EFCAB6: variants seen among roughly 807,000 people sequenced by gnomAD.
EFCAB6 encodes EF-hand calcium binding domain 6, also known as EF-hand calcium-binding domain-containing protein 6.
A neutral mutation model predicts 169.8 loss-of-function variants in EFCAB6; 156 were observed. The observed-to-expected ratio is 0.92, with a 90% CI of 0.81 to 1.05. EFCAB6 has a LOEUF of 1.05. Ranked by LOEUF, EFCAB6 falls within the 50% of genes least tolerant of loss-of-function variation. The pLI is 0.00. For synonymous variants in EFCAB6, 698 were observed against 676.4 expected, an observed-to-expected ratio of 1.03 and a Z score of -0.50; for missense variants, 1,800 against 1,829.1, an observed-to-expected ratio of 0.98 and a Z score of 0.29.
intron 17 of EFCAB6, among the ~76,000 whole-genome samples, chr22:43,660,092 A>G (rs13054872): frequency 0.29 from 43,459 of 152,100 alleles, 7,143 homozygotes; most frequent in East Asian, 0.64. Flanking sequence ...ACAATGTCCA[A>G]TGTGTTCACA....
intron 27 of EFCAB6, among the ~76,000 whole-genome samples, chr22:43,544,812 C>T (rs2047950297): frequency 6.6e-6 from 1 of 152,038 alleles, no homozygotes. Flanking sequence ...AAATAGTCTC[C>T]AGATAAATCA....
intron 20 of EFCAB6, among the ~76,000 whole-genome samples, chr22:43,622,213 T>A (rs1315747415): frequency 1.3e-5 from 2 of 152,222 alleles, no homozygotes; most frequent in East Asian, 3.8e-4. Context: ...GGGCTGGTAT[T>A]CATGACTTTT....
chr22:43,613,342 G>C (rs938513722), intron 21 of EFCAB6, among the ~76,000 whole-genome samples: 10 of 151,848 alleles, frequency 6.6e-5, no homozygotes, highest in Non-Finnish European at 1.3e-4. Flanking sequence ...TCATGATAGT[G>C]AAGACATGGA....
At chr22:43,625,214 CA>C (rs2054415980) in intron 20 of EFCAB6, among the ~76,000 whole-genome samples, 1 of 152,018 alleles carries the variant, frequency 6.6e-6, no homozygotes, top group Admixed American at 6.6e-5. Context: ...CTGTGGCTTC[CA>C]GGGGCTCCAC....
chr22:43,800,907 T>C (rs1264125156), intron 2 of EFCAB6, among the ~76,000 whole-genome samples: 1 of 152,012 alleles, frequency 6.6e-6, no homozygotes, highest in African/African-American at 2.4e-5. Flanking sequence ...GAGCAAGGGG[T>C]ACAAAGCTTA....
intron 6 of EFCAB6, among the ~76,000 whole-genome samples, chr22:43,753,416 A>G (rs977964614): frequency 6.6e-6 from 1 of 152,164 alleles, no homozygotes; most frequent in African/African-American, 2.4e-5. Flanking sequence ...GACCAGGTGG[A>G]TCCCGAAGAG....
chr22:43,632,270 T>C (rs747204511), intron 18 of EFCAB6, 32 bp from the exon 19 acceptor site: 1 of 1,589,952 alleles, frequency 6.3e-7, no homozygotes, highest in Non-Finnish European at 8.6e-7. Context: ...GGGTTTCCAT[T>C]AGTGCCCATC....
chr22:43,618,168 A>AGG (rs59199699), intron 20 of EFCAB6, among the ~76,000 whole-genome samples: 4,220 of 83,210 alleles, frequency 0.051, 156 homozygotes, highest in African/African-American at 0.086. Flanking sequence ...GAAGGAAGGA[A>AGG]AGAAAGAAAG....
At chr22:43,760,913 T>C (rs2061143057) in intron 5 of EFCAB6, among the ~76,000 whole-genome samples, 1 of 152,244 alleles carries the variant, frequency 6.6e-6, no homozygotes, top group African/African-American at 2.4e-5. Flanking sequence ...TCCACCCGCC[T>C]TGGCCTCCCA....
intron 19 of EFCAB6, among the ~76,000 whole-genome samples, chr22:43,631,801 C>A (rs189552711): frequency 6.6e-6 from 1 of 151,968 alleles, no homozygotes; most frequent in Non-Finnish European, 1.5e-5. Flanking sequence ...AATGGATGAA[C>A]GCGTTTCAAA....
intron 8 of EFCAB6, 90 bp downstream of exon 8, chr22:43,731,609 A>G (rs2059951614): frequency 1.5e-6 from 1 of 683,924 alleles, no homozygotes; most frequent in Admixed American, 3.8e-5. Context: ...CCTATATTTG[A>G]AAGTATTTCC....
In EFCAB6 at chr22:43,784,545, A is replaced by G. The variant is rs868108434; in HGVS notation, c.-7-2220T>C. On this transcript the variant is annotated intron_variant, in intron 2 of 31. Transcript: ENST00000262726. ...TGTGTGTGTGTGTGTGTGTGTGTGT[A>G]TATGTATATATACACATATATATGT... Among the ~76,000 whole-genome samples, 605 of 82,774 alleles carry G rather than the reference A, an allele frequency of 7.3e-3. 16 individuals are homozygous for G. The highest frequency in any genetic ancestry group is 9.8e-3 in the East Asian group (18 of 1,840). The allele number at this position is 82,774 out of a possible 152,430, so 54.3% of individuals were successfully genotyped here. A position where few individuals can be genotyped will look rare whatever the true frequency, so the allele number is the denominator to read the frequency against.
intron 22 of EFCAB6, among the ~76,000 whole-genome samples, chr22:43,601,920 C>T (rs1409719120): frequency 6.6e-6 from 1 of 152,246 alleles, no homozygotes; most frequent in Non-Finnish European, 1.5e-5. Context: ...ATGTGTCTGC[C>T]ACCCACCTGC....
chr22:43,754,236 C>T (rs1021592401), intron 6 of EFCAB6, among the ~76,000 whole-genome samples: 8 of 152,200 alleles, frequency 5.3e-5, no homozygotes, highest in African/African-American at 1.2e-4. Flanking sequence ...ATTTTTAAGC[C>T]ACACAGCAGC....
At chr22:43,713,110 G>T (rs2059216849) in intron 9 of EFCAB6, among the ~76,000 whole-genome samples, 1 of 151,864 alleles carries the variant, frequency 6.6e-6, no homozygotes, top group East Asian at 1.9e-4. Context: ...TCTAAATGAG[G>T]TCCCTGCTGT....
intron 26 of EFCAB6, among the ~76,000 whole-genome samples, chr22:43,563,334 A>G (rs2049192879): frequency 1.3e-5 from 2 of 152,186 alleles, no homozygotes; most frequent in Non-Finnish European, 2.9e-5. Context: ...TGGAAAGTTC[A>G]AGAGGGGAGG....
At chr22:43,590,633 C>T (rs954711981) in intron 23 of EFCAB6, among the ~76,000 whole-genome samples, 3 of 150,860 alleles carry the variant, frequency 2.0e-5, no homozygotes, top group African/African-American at 4.9e-5. Flanking sequence ...TGGGACATGT[C>T]TGGTGAATCA....
chr22:43,716,956 A>G lies in EFCAB6; in HGVS notation c.774T>C (p.Asn258=). The G allele has an allele frequency of 1.9e-6, 3 of 1,561,402 alleles. No individual in the cohort carries two copies. Among genetic ancestry groups the G allele is most frequent in the Non-Finnish European group, 1.7e-6 (2 of 1,155,418 alleles). The change falls in exon 9 of 32, where the codon AAT becomes AAC. Residue 258 remains asparagine, a synonymous_variant. Transcript: ENST00000262726. ...CCTTTTTGGAATTTTTGGCTTGTTG[A>G]TTCTCCAACGAGACCTCTGTTGAAA... ...CMGNQEVSLE[N]QQAKNSKKER...
chr22:43,764,201 C>T (rs112355143), intron 5 of EFCAB6, among the ~76,000 whole-genome samples: 1,783 of 152,030 alleles, frequency 0.012, 43 homozygotes, highest in African/African-American at 0.041. Context: ...AGCCCTTGCC[C>T]CCATCCCTTC....
Sources: gnomAD v4.1 joint callset for allele counts (sites outside exome capture counted in the v4.1 genomes callset) on GRCh38, gnomAD v4.1.1 for gene constraint, MANE v1.5 for transcripts, NCBI Gene and HGNC (gene_info 2026-07-23, HGNC 2026-07-21) for gene names.